Variants in ZNF385D observed in about 807,000 individuals in gnomAD.
The protein encoded by ZNF385D is zinc finger protein 385D.
Under a neutral mutation model 35.8 loss-of-function variants are expected in ZNF385D, and 15 were observed. That is an observed-to-expected ratio of 0.42 (90% CI 0.28 to 0.64). ZNF385D has a LOEUF of 0.64. Ranked by LOEUF, ZNF385D falls within the 30% of genes least tolerant of loss-of-function variation. The pLI is 0.23. For missense variants in ZNF385D, 474 were observed against 494.6 expected, an observed-to-expected ratio of 0.96 and a Z score of 0.39; for synonymous variants, 212 against 186.8, an observed-to-expected ratio of 1.13 and a Z score of -1.10.
intron 1 of ZNF385D, among the ~76,000 whole-genome samples, chr3:21,688,197 A>C (rs2067170834): frequency 6.6e-6 from 1 of 152,154 alleles, no homozygotes; most frequent in Non-Finnish European, 1.5e-5. Context: ...AGTTTGCAAA[A>C]GCATAAGTGC....
chr3:21,466,981 A>G (rs1385144632), intron 4 of ZNF385D, among the ~76,000 whole-genome samples: 1 of 152,194 alleles, frequency 6.6e-6, no homozygotes, highest in Non-Finnish European at 1.5e-5. Context: ...CTAAATCCTT[A>G]GTCTATGCTC....
intron 3 of ZNF385D, among the ~76,000 whole-genome samples, chr3:21,813,324 T>C (rs960109480): frequency 3.3e-5 from 5 of 152,106 alleles, no homozygotes; most frequent in African/African-American, 1.2e-4. Flanking sequence ...TCGCCAGCAA[T>C]GGAACAAAGC....
chr3:22,266,493 C>T (rs1284322773), intron 2 of ZNF385D, among the ~76,000 whole-genome samples: 1 of 151,826 alleles, frequency 6.6e-6, no homozygotes, highest in Admixed American at 6.6e-5. Flanking sequence ...CTTGAAGAAG[C>T]TACCAAGATC....
intron 2 of ZNF385D, among the ~76,000 whole-genome samples, chr3:22,313,814 C>G (rs1472044602): frequency 1.3e-5 from 2 of 152,164 alleles, no homozygotes; most frequent in Non-Finnish European, 2.9e-5. Context: ...TCCTTCATAA[C>G]TAAAAACTCC....
chr3:21,422,160 G>A (rs149032689), intron 7 of ZNF385D, among the ~76,000 whole-genome samples: 9 of 152,116 alleles, frequency 5.9e-5, no homozygotes, highest in Non-Finnish European at 1.0e-4. Context: ...GAAGAAGGAG[G>A]GTTTGTATAC....
chr3:21,502,883 T>C (rs1258581417), intron 4 of ZNF385D, among the ~76,000 whole-genome samples: 1 of 152,216 alleles, frequency 6.6e-6, no homozygotes, highest in Non-Finnish European at 1.5e-5. Context: ...GGTTTCACAA[T>C]GGTGCTTCAA....
At chr3:22,285,486 G>A (rs1000409773) in intron 2 of ZNF385D, among the ~76,000 whole-genome samples, 1 of 152,052 alleles carries the variant, frequency 6.6e-6, no homozygotes, top group Non-Finnish European at 1.5e-5. Context: ...AATGAAGTAG[G>A]AAGAAATTTT....
At chr3:22,017,531 G>C (rs1462323862) in intron 3 of ZNF385D, among the ~76,000 whole-genome samples, 1 of 151,764 alleles carries the variant, frequency 6.6e-6, no homozygotes, top group Non-Finnish European at 1.5e-5. Flanking sequence ...TTTATTCTGA[G>C]TTAGATTTAT....
intron 2 of ZNF385D, among the ~76,000 whole-genome samples, chr3:22,364,861 C>T (rs1696579576): frequency 6.6e-6 from 1 of 152,002 alleles, no homozygotes; most frequent in Non-Finnish European, 1.5e-5. Flanking sequence ...TGTCTATGGA[C>T]AGTTGACAAG....
chr3:21,911,707 T>C (rs1699973353), intron 3 of ZNF385D, among the ~76,000 whole-genome samples: 2 of 151,950 alleles, frequency 1.3e-5, no homozygotes, highest in Non-Finnish European at 2.9e-5. Flanking sequence ...AATTTCCTCA[T>C]TTCAACTATT....
chr3:21,524,618 C>A (rs912120375), intron 3 of ZNF385D, among the ~76,000 whole-genome samples: 2 of 151,968 alleles, frequency 1.3e-5, no homozygotes, highest in African/African-American at 4.8e-5. Context: ...TCTCTAGAGG[C>A]CAAATTCATA....
At chr3:21,888,937 T>C (rs1055374969) in intron 3 of ZNF385D, among the ~76,000 whole-genome samples, 1 of 152,198 alleles carries the variant, frequency 6.6e-6, no homozygotes, top group African/African-American at 2.4e-5. Flanking sequence ...GAAAAATTAC[T>C]TTACTCCTCT....
chr3:22,032,496 C>T (rs894015435), intron 3 of ZNF385D, among the ~76,000 whole-genome samples: 2 of 152,116 alleles, frequency 1.3e-5, no homozygotes, highest in African/African-American at 4.8e-5. Context: ...CAGGTTCTTC[C>T]CTTGACACAT....
At chr3:21,693,048 T>A (rs1357252495) in intron 1 of ZNF385D, among the ~76,000 whole-genome samples, 1 of 152,226 alleles carries the variant, frequency 6.6e-6, no homozygotes, top group East Asian at 1.9e-4. Context: ...TTGTGGCAAC[T>A]AGCATCACAC....
rs562139433 is a variant in ZNF385D, at chr3:22,315,336, A to G, written c.106+57114T>C. On this transcript the variant is annotated intron_variant, in intron 2 of 5. Coordinates refer to the ZNF385D transcript ENST00000494108. ...TTTGGACCTTCAGGCAGAGATGAAC[A>G]TGGAGAAGTTGGTTTATTAAGAGAT... Among the ~76,000 whole-genome samples the G allele has an allele frequency of 3.7e-3, 562 of 152,292 alleles. 4 individuals carry two copies. Among genetic ancestry groups the G allele is most frequent in the African/African-American group, 0.011 (475 of 41,576 alleles).
intron 2 of ZNF385D, among the ~76,000 whole-genome samples, chr3:22,201,982 T>TA (rs1351183982): frequency 1.3e-5 from 2 of 152,022 alleles, no homozygotes; most frequent in Non-Finnish European, 2.9e-5. Flanking sequence ...AATGACATAT[T>TA]AAAAGAGTCC....
intron 3 of ZNF385D, among the ~76,000 whole-genome samples, chr3:22,134,680 A>C (rs891900377): frequency 1.3e-5 from 2 of 152,210 alleles, no homozygotes; most frequent in African/African-American, 4.8e-5. Context: ...TATAATTTAC[A>C]ATGAACAGAA....
intron 1 of ZNF385D, among the ~76,000 whole-genome samples, chr3:21,742,844 T>G (rs1233736357): frequency 6.6e-6 from 1 of 152,202 alleles, no homozygotes; most frequent in Non-Finnish European, 1.5e-5. Context: ...ATTATTTCTA[T>G]GTAATTTACT....
At chr3:22,231,590 G>A (rs1472411441) in intron 2 of ZNF385D, among the ~76,000 whole-genome samples, 1 of 152,056 alleles carries the variant, frequency 6.6e-6, no homozygotes, top group African/African-American at 2.4e-5. Context: ...GAACAACACA[G>A]TTTACCTCTT....
Sources: gnomAD v4.1 joint callset for allele counts (sites outside exome capture counted in the v4.1 genomes callset) on GRCh38, gnomAD v4.1.1 for gene constraint, MANE v1.5 for transcripts, NCBI Gene and HGNC (gene_info 2026-07-23, HGNC 2026-07-21) for gene names.